NRXN3: variants seen among roughly 807,000 people sequenced by gnomAD.
The protein encoded by NRXN3 is neurexin III.
A neutral mutation model predicts 137.6 loss-of-function variants in NRXN3; 32 were observed. That is an observed-to-expected ratio of 0.23 (90% CI 0.18 to 0.31). The LOEUF (loss-of-function observed/expected upper bound fraction) is 0.31. Ranked by LOEUF, NRXN3 falls within the 10% of genes least tolerant of loss-of-function variation. The pLI, the probability that NRXN3 is intolerant of heterozygous loss-of-function variation, is 1.00. For missense variants in NRXN3, 1,574 were observed against 2,062.5 expected, an observed-to-expected ratio of 0.76 and a Z score of 4.59; for synonymous variants, 798 against 784.5, an observed-to-expected ratio of 1.02 and a Z score of -0.29.
At chr14:79,308,319 T>C (rs2086490080) in intron 15 of NRXN3, among the ~76,000 whole-genome samples, 1 of 152,148 alleles carries the variant, frequency 6.6e-6, no homozygotes, top group Non-Finnish European at 1.5e-5. Context: ...TAACCTCTCT[T>C]TGCCTCAAGT....
At position 78,905,254 on chromosome 14, in the gene NRXN3, T is replaced by C. The variant is rs541222716; in HGVS notation, c.2276-51988T>C. ...CACCTACACAAAAATATCATATTCT[T>C]AAGACCTGATCTTGACCATTTACCT... On this transcript the variant is annotated intron_variant, in intron 10 of 20. Transcript: ENST00000335750. 2.6e-5 allele frequency among the ~76,000 whole-genome samples: 4 copies of C among 152,204 alleles called. No individual in the cohort carries two copies. In the South Asian group the frequency reaches 8.3e-4, roughly 31 times the overall value.
chr14:79,757,997 A>T (rs903819581), intron 19 of NRXN3, among the ~76,000 whole-genome samples: 1 of 152,144 alleles, frequency 6.6e-6, no homozygotes, highest in African/African-American at 2.4e-5. Context: ...ATAAATATAC[A>T]TTATCCATTA....
chr14:79,167,154 A>C (rs2061354612), intron 15 of NRXN3, among the ~76,000 whole-genome samples: 1 of 152,050 alleles, frequency 6.6e-6, no homozygotes, highest in South Asian at 2.1e-4. Flanking sequence ...AAGTAATATG[A>C]ATGTTACAGT....
intron 4 of NRXN3, among the ~76,000 whole-genome samples, chr14:78,457,437 G>A (rs1178855861): frequency 1.3e-5 from 2 of 152,156 alleles, no homozygotes; most frequent in East Asian, 1.9e-4. Flanking sequence ...GGTGATAGAG[G>A]AGAGGGTGAC....
At chr14:79,017,160 A>G (rs932673164) in intron 15 of NRXN3, among the ~76,000 whole-genome samples, 3 of 151,938 alleles carry the variant, frequency 2.0e-5, no homozygotes, top group Non-Finnish European at 2.9e-5. Flanking sequence ...GACCCCATAC[A>G]TTGGCTAACT....
chr14:79,065,712 T>C (rs1309072626), intron 15 of NRXN3, among the ~76,000 whole-genome samples: 1 of 152,156 alleles, frequency 6.6e-6, no homozygotes, highest in East Asian at 1.9e-4. Context: ...TCTGCCATTC[T>C]TTATAGACAA....
At chr14:79,729,527 A>C (rs1465793447) in intron 19 of NRXN3, among the ~76,000 whole-genome samples, 1 of 152,214 alleles carries the variant, frequency 6.6e-6, no homozygotes, top group Non-Finnish European at 1.5e-5. Context: ...GAAAGAAAGA[A>C]GGGAAACTAG....
intron 3 of NRXN3, among the ~76,000 whole-genome samples, chr14:78,287,757 C>A (rs1046378391): frequency 1.7e-4 from 26 of 152,142 alleles, no homozygotes; most frequent in African/African-American, 6.0e-4. Flanking sequence ...GAAGACAGGG[C>A]TTTTGCCTTT....
intron 4 of NRXN3, among the ~76,000 whole-genome samples, chr14:78,445,966 C>T (rs371528885): frequency 1.1e-4 from 16 of 152,226 alleles, no homozygotes; most frequent in East Asian, 3.9e-4. Context: ...TAAAGCTTCC[C>T]GGCAAAGTGT....
At chr14:78,270,527 C>A (rs929466544) in intron 2 of NRXN3, among the ~76,000 whole-genome samples, 1 of 152,198 alleles carries the variant, frequency 6.6e-6, no homozygotes, top group African/African-American at 2.4e-5. Flanking sequence ...CTGCAGGTGC[C>A]AACCTCATGG....
intron 1 of NRXN3, among the ~76,000 whole-genome samples, chr14:78,190,181 C>T (rs976517334): frequency 6.6e-6 from 1 of 152,212 alleles, no homozygotes; most frequent in Non-Finnish European, 1.5e-5. Context: ...TGGGCCACTT[C>T]TTGCCTAGTC....
chr14:78,269,409 A>G (rs2072343540), intron 2 of NRXN3, among the ~76,000 whole-genome samples: 1 of 152,196 alleles, frequency 6.6e-6, no homozygotes, highest in Admixed American at 6.5e-5. Flanking sequence ...ATAGACATTG[A>G]AAGTACATTG....
intron 15 of NRXN3, among the ~76,000 whole-genome samples, chr14:79,036,593 GTT>G (rs57154485): frequency 9.8e-6 from 1 of 101,660 alleles, no homozygotes; most frequent in Non-Finnish European, 1.9e-5. Flanking sequence ...TTCGTTTTGG[GTT>G]TTTTTTTTTT....
intron 15 of NRXN3, among the ~76,000 whole-genome samples, chr14:79,255,962 A>G (rs1206490744): frequency 6.6e-6 from 1 of 152,198 alleles, no homozygotes; most frequent in East Asian, 1.9e-4. Context: ...GGAACCCATA[A>G]CTAAACAGTC....
At chr14:79,658,450 G>C (rs1023132864) in intron 16 of NRXN3, among the ~76,000 whole-genome samples, 1 of 152,168 alleles carries the variant, frequency 6.6e-6, no homozygotes, top group Non-Finnish European at 1.5e-5. Context: ...GCTACCAGGA[G>C]TTTGCTGGGT....
intron 15 of NRXN3, among the ~76,000 whole-genome samples, chr14:79,380,501 T>TC (rs1189946611): frequency 6.6e-6 from 1 of 152,108 alleles, no homozygotes; most frequent in Non-Finnish European, 1.5e-5. Context: ...TCCAATTTCA[T>TC]CCATGTCCCT....
chr14:78,421,827 T>G (rs2093459698), intron 4 of NRXN3, among the ~76,000 whole-genome samples: 2 of 152,200 alleles, frequency 1.3e-5, no homozygotes, highest in Admixed American at 1.3e-4. Context: ...CCTGGCCTGA[T>G]TTTAATTTTC....
At chr14:78,729,105 A>C (rs1269008892) in intron 8 of NRXN3, among the ~76,000 whole-genome samples, 1 of 152,244 alleles carries the variant, frequency 6.6e-6, no homozygotes, top group African/African-American at 2.4e-5. Context: ...GTAAGTGTTC[A>C]GTACATGGAG....
intron 4 of NRXN3, among the ~76,000 whole-genome samples, chr14:78,454,739 A>G (rs755187375): frequency 2.6e-5 from 4 of 152,212 alleles, no homozygotes; most frequent in African/African-American, 9.6e-5. Context: ...GACCTGAAAG[A>G]TGAGTTGACT....
Sources: allele counts gnomAD v4.1 joint callset (sites outside exome capture counted in the v4.1 genomes callset), GRCh38; gene constraint gnomAD v4.1.1; transcripts MANE v1.5; gene names NCBI Gene and HGNC (gene_info 2026-07-23, HGNC 2026-07-21).